Variants in LRFN5 observed in about 807,000 individuals in gnomAD.
The protein encoded by LRFN5 is leucine-rich repeat and fibronectin type-III domain-containing protein 5.
A neutral mutation model predicts 45.6 loss-of-function variants in LRFN5; 24 were observed. That is an observed-to-expected ratio of 0.53 (90% CI 0.38 to 0.74). The LOEUF (loss-of-function observed/expected upper bound fraction) is 0.74. LRFN5 is among the 30% of genes least tolerant of loss of function. LRFN5 has a pLI of 0.00. For synonymous variants in LRFN5, 340 were observed against 313.8 expected, an observed-to-expected ratio of 1.08 and a Z score of -0.88; for missense variants, 776 against 861.5, an observed-to-expected ratio of 0.90 and a Z score of 1.24.
intron 1 of LRFN5, among the ~76,000 whole-genome samples, chr14:41,721,285 T>C (rs1390438754): frequency 5.3e-5 from 8 of 152,190 alleles, no homozygotes; most frequent in Admixed American, 4.6e-4. Context: ...GATGGGTTTC[T>C]TAAAGACAGC....
intron 1 of LRFN5, among the ~76,000 whole-genome samples, chr14:41,644,119 T>C (rs372734799): frequency 1.1e-4 from 16 of 152,350 alleles, no homozygotes; most frequent in African/African-American, 3.8e-4. Context: ...TCTGATACTT[T>C]TTGTGGTTGC....
intron 2 of LRFN5, among the ~76,000 whole-genome samples, chr14:41,784,895 C>T (rs1300129983): frequency 6.6e-6 from 1 of 152,138 alleles, no homozygotes; most frequent in Non-Finnish European, 1.5e-5. Flanking sequence ...TCCCAAAGTG[C>T]TGGGATTACA....
At chr14:41,898,654 C>T (rs17781510) in intron 4 of LRFN5, among the ~76,000 whole-genome samples, 32,561 of 151,864 alleles carry the variant, frequency 0.21, 4,355 homozygotes, top group Middle Eastern at 0.37. Flanking sequence ...TATTGAAAAT[C>T]ACTCATTTTA....
At chr14:41,738,204 C>T (rs190046288) in intron 1 of LRFN5, among the ~76,000 whole-genome samples, 32 of 152,196 alleles carry the variant, frequency 2.1e-4, no homozygotes, top group East Asian at 1.7e-3. Context: ...CATCTACAAC[C>T]GTCTGACCTT....
chr14:41,674,739 G>A lies in LRFN5; in HGVS notation c.-197+66177G>A, dbSNP rs536273070. Among the ~76,000 whole-genome samples, 8 of 151,594 alleles carry A rather than the reference G, an allele frequency of 5.3e-5. No individual in the cohort carries two copies. In the South Asian group the frequency reaches 1.7e-3, roughly 32 times the overall value. ...CTCCCTCCCGGACGGGGTGGCTGCCGGGCGGAGACGCTCCTCACTTCCCAG... is the reference window on the plus strand; with the variant it reads ...CTCCCTCCCGGACGGGGTGGCTGCCAGGCGGAGACGCTCCTCACTTCCCAG... On this transcript the variant is annotated intron_variant, in intron 1 of 5. Transcript: ENST00000298119.
intron 2 of LRFN5, among the ~76,000 whole-genome samples, chr14:41,834,396 A>C (rs1055342392): frequency 2.0e-5 from 3 of 152,192 alleles, no homozygotes; most frequent in African/African-American, 4.8e-5. Context: ...TCAAGGCTCA[A>C]ATCACCATAT....
At chr14:41,671,616 C>CTTTTTTTTTTTTT (rs1566613142) in intron 1 of LRFN5, among the ~76,000 whole-genome samples, 19 of 37,210 alleles carry the variant, frequency 5.1e-4, no homozygotes, top group South Asian at 2.5e-3. Context: ...TTTTTTTTTT[C>CTTTTTTTTTTTTT]GTTTTTTTTT....
intron 1 of LRFN5, among the ~76,000 whole-genome samples, chr14:41,766,643 G>T (rs1392617365): frequency 6.6e-6 from 1 of 152,040 alleles, no homozygotes; most frequent in Non-Finnish European, 1.5e-5. Flanking sequence ...ATTTCAAAAA[G>T]GAAAGGAGAA....
intron 3 of LRFN5, 36 bp downstream of exon 3, chr14:41,888,046 G>A: frequency 6.8e-7 from 1 of 1,476,658 alleles, no homozygotes; most frequent in Non-Finnish European, 9.2e-7. Flanking sequence ...TACTTACCAT[G>A]CATCTTAGTG....
chr14:41,671,141 ATGTCTATT>A (rs762667943), intron 1 of LRFN5, among the ~76,000 whole-genome samples: 2 of 151,722 alleles, frequency 1.3e-5, no homozygotes, highest in Non-Finnish European at 3.0e-5. Context: ...TGAAAATAGA[ATGTCTATT>A]TGTCTACTTT....
chr14:41,745,840 G>A (rs535260500), intron 1 of LRFN5, among the ~76,000 whole-genome samples: 27 of 152,044 alleles, frequency 1.8e-4, no homozygotes, highest in African/African-American at 6.0e-4. Context: ...TATCTGAATA[G>A]CACTGTAACT....
intron 1 of LRFN5, among the ~76,000 whole-genome samples, chr14:41,737,425 C>T (rs190676860): frequency 0.088 from 13,329 of 152,102 alleles, 778 homozygotes; most frequent in Non-Finnish European, 0.12. Flanking sequence ...GGAAGCATTT[C>T]CTTTGAAAAC....
chr14:41,778,719 C>T (rs1229997375), intron 2 of LRFN5, among the ~76,000 whole-genome samples: 1 of 151,712 alleles, frequency 6.6e-6, no homozygotes, highest in Non-Finnish European at 1.5e-5. Context: ...CAATATTGTC[C>T]TTCACTAAAG....
intron 2 of LRFN5, among the ~76,000 whole-genome samples, chr14:41,815,484 TCA>T (rs1337443974): frequency 1.3e-5 from 2 of 152,084 alleles, no homozygotes; most frequent in African/African-American, 2.4e-5. Context: ...GAATCTATAA[TCA>T]CAGTGCTTTG....
chr14:41,723,575 C>G (rs1236731734), intron 1 of LRFN5, among the ~76,000 whole-genome samples: 1 of 152,028 alleles, frequency 6.6e-6, no homozygotes, highest in African/African-American at 2.4e-5. Flanking sequence ...CCTGCTGCAC[C>G]AGGATCTCTG....
At chr14:41,871,458 G>A (rs1890016099) in intron 2 of LRFN5, among the ~76,000 whole-genome samples, 1 of 151,866 alleles carries the variant, frequency 6.6e-6, no homozygotes, top group Non-Finnish European at 1.5e-5. Flanking sequence ...GCATGGTGGT[G>A]GGCACCTGTA....
intron 4 of LRFN5, 61 bp downstream of exon 4, chr14:41,892,023 G>A (rs1157423365): frequency 1.3e-6 from 2 of 1,564,602 alleles, no homozygotes; most frequent in East Asian, 2.3e-5. Context: ...TCCCTCAATG[G>A]AGAATTAAAG....
At chr14:41,893,642 A>G (rs1223794669) in intron 4 of LRFN5, 1 of 985,256 alleles carries the variant, frequency 1.0e-6, no homozygotes, top group Non-Finnish European at 1.2e-6. Context: ...CAACAATTTC[A>G]GTTACTGTTA....
intron 1 of LRFN5, among the ~76,000 whole-genome samples, chr14:41,670,456 C>A (rs557270110): frequency 2.7e-5 from 4 of 150,576 alleles, no homozygotes; most frequent in African/African-American, 7.3e-5. Flanking sequence ...AATGCATTAA[C>A]CTATTTAAAA....
Sources: gnomAD v4.1 joint callset for allele counts (sites outside exome capture counted in the v4.1 genomes callset) on GRCh38, gnomAD v4.1.1 for gene constraint, MANE v1.5 for transcripts, NCBI Gene and HGNC (gene_info 2026-07-23, HGNC 2026-07-21) for gene names.